The following NACC2 variants were observed in gnomAD, a reference collection of about 807,000 sequenced individuals.
The protein encoded by NACC2 is NACC family member 2, also known as nucleus accumbens-associated protein 2.
Under a neutral mutation model 25.1 loss-of-function variants are expected in NACC2, and 8 were observed. The ratio of observed to expected loss-of-function variants is 0.32; its 90% CI spans 0.19 to 0.57. The LOEUF (loss-of-function observed/expected upper bound fraction) is 0.57, where lower values mean the gene tolerates loss of function less well. Ranked by LOEUF, NACC2 falls within the 20% of genes least tolerant of loss-of-function variation. NACC2 has a pLI of 0.89. For synonymous variants in NACC2, 435 were observed against 294.7 expected, an observed-to-expected ratio of 1.48 and a Z score of -4.88; for missense variants, 644 against 650.2, an observed-to-expected ratio of 0.99 and a Z score of 0.10.
In NACC2 at chr9:136,018,697, G is replaced by A. The variant is rs1840240177; in HGVS notation, c.887-2268C>T. Among the ~76,000 whole-genome samples the A allele has an allele frequency of 6.6e-6, 1 of 152,086 alleles. No individual in the cohort carries two copies. The highest frequency in any genetic ancestry group is 1.5e-5 in the Non-Finnish European group (1 of 68,002). On this transcript the variant is annotated intron_variant, in intron 2 of 5. Transcript: ENST00000277554. This position sits in a 1 kb window ranked among gnomAD's most constrained non-coding sequence, Gnocchi z 4.4. ...CCTGCCCGGCCACTACAGGGGTCAG[G>A]CAGCATTTCCCGGTGGGGCAGAGCA...
At chr9:136,035,414 TAA>T (rs1430398524) in intron 2 of NACC2, among the ~76,000 whole-genome samples, 14 of 151,424 alleles carry the variant, frequency 9.2e-5, no homozygotes, top group Non-Finnish European at 2.1e-4. Flanking sequence ...CTGACAAACC[TAA>T]AGAGAGGGAC....
intron 1 of NACC2, among the ~76,000 whole-genome samples, chr9:136,052,688 G>C (rs916420410): frequency 1.3e-5 from 2 of 152,190 alleles, no homozygotes; most frequent in African/African-American, 4.8e-5. Flanking sequence ...TTGTGGCCGG[G>C]CAACCAGGAG....
At chr9:136,057,511 A>G (rs1840942146) in intron 1 of NACC2, among the ~76,000 whole-genome samples, 1 of 152,242 alleles carries the variant, frequency 6.6e-6, no homozygotes, top group Non-Finnish European at 1.5e-5. Context: ...AGGTTTCCAA[A>G]GAATTAAGCT....
At position 136,013,450 on chromosome 9, in the gene NACC2, C is replaced by T. The variant is rs1418122002; in HGVS notation, c.1158-154G>A. On this transcript the variant is annotated intron_variant, in intron 4 of 5. Coordinates refer to ENST00000277554, the MANE Select transcript of NACC2 (RefSeq NM_144653.5). The surrounding 1 kb of genome is among the most constrained non-coding windows in gnomAD (Gnocchi z 6.6). ...AGTGGCAGGAGCCGGCCCAGCCACC[C>T]TCTAAGGGACAGGACAAAGGAAAAG... 6.6e-6 allele frequency among the ~76,000 whole-genome samples: 1 copy of T among 152,206 alleles called. No individual in the cohort carries two copies. Among genetic ancestry groups the T allele is most frequent in the Non-Finnish European group, 1.5e-5 (1 of 68,026 alleles).
intron 2 of NACC2, among the ~76,000 whole-genome samples, chr9:136,043,266 A>C (rs1023404362): frequency 2.0e-5 from 3 of 152,274 alleles, no homozygotes; most frequent in Non-Finnish European, 4.4e-5. Context: ...AACTCTTAAA[A>C]TCTAATTTTT....
At position 136,011,359 on chromosome 9, in the gene NACC2, C is replaced by T; in HGVS notation, c.*157G>A. The T allele has an allele frequency of 1.2e-6, 1 of 866,912 alleles. No homozygotes were observed. Among genetic ancestry groups the T allele is most frequent in the Non-Finnish European group, 1.6e-6 (1 of 639,456 alleles). 53.7% of individuals were successfully genotyped at this position (866,912 alleles called of 1,614,324 possible). ...TACAGTATAATGAATGCATTTGTTT[C>T]CTTCATCAATTTTAAATACAAGCAG... On this transcript the variant is annotated 3_prime_UTR_variant, in exon 6 of 6. Transcript: ENST00000277554.
In NACC2 at chr9:136,057,262, C is replaced by G. The variant is rs139399777; in HGVS notation, c.-59-6682G>C. ...CCCCTGGCCACCAACACGCTCATCT[C>G]TAACCTTCACTTGCAGAATATTCTT... On this transcript the variant is annotated intron_variant, in intron 1 of 5. Transcript: ENST00000277554. Among the ~76,000 whole-genome samples the G allele has an allele frequency of 3.8e-3, 577 of 152,342 alleles. 3 individuals carry two copies. Among genetic ancestry groups the G allele is most frequent in the African/African-American group, 0.013 (543 of 41,582 alleles).
intron 2 of NACC2, among the ~76,000 whole-genome samples, chr9:136,044,528 C>G (rs1013297845): frequency 6.6e-6 from 1 of 152,092 alleles, no homozygotes; most frequent in East Asian, 1.9e-4. Context: ...CCTCTTGGGC[C>G]CCACCCTATC....
At chr9:136,089,562 C>G (rs73668073) in intron 1 of NACC2, among the ~76,000 whole-genome samples, 2,175 of 151,964 alleles carry the variant, frequency 0.014, 54 homozygotes, top group African/African-American at 0.049. Context: ...GGTGAACCCA[C>G]CCTCGGGGTG....
chr9:136,053,445 G>A (rs1840878149), intron 1 of NACC2, among the ~76,000 whole-genome samples: 1 of 152,100 alleles, frequency 6.6e-6, no homozygotes, highest in South Asian at 2.1e-4. Flanking sequence ...ACTCGGCCAT[G>A]CTGATGAGCT....
intron 1 of NACC2, among the ~76,000 whole-genome samples, chr9:136,078,355 G>A (rs886619059): frequency 1.3e-5 from 2 of 152,186 alleles, no homozygotes; most frequent in Non-Finnish European, 2.9e-5. Context: ...ACATCTGGGG[G>A]CAGGTTCTCC....
At chr9:136,040,739 G>C (rs1484235142) in intron 2 of NACC2, among the ~76,000 whole-genome samples, 1 of 152,130 alleles carries the variant, frequency 6.6e-6, no homozygotes, top group Non-Finnish European at 1.5e-5. Context: ...GCAGGTAGAT[G>C]GCTTGAGCCC....
rs747508877 is a variant in NACC2 at position 136,061,941 on chromosome 9, G to A, written c.-59-11361C>T. On this transcript the variant is annotated intron_variant, in intron 1 of 5. Coordinates refer to ENST00000277554, the MANE Select transcript of NACC2 (RefSeq NM_144653.5). ...TCGAGACTAGCCTGGCCACCATGGC[G>A]AAATCCCATCCCTACTAAAAATACA... Among the ~76,000 whole-genome samples the A allele has an allele frequency of 3.3e-5, 5 of 152,280 alleles. No homozygotes were observed. In the South Asian group the frequency reaches 6.2e-4, roughly 19 times the overall value.
chr9:136,021,754 C>T (rs553246870), intron 2 of NACC2, among the ~76,000 whole-genome samples: 20 of 152,310 alleles, frequency 1.3e-4, no homozygotes, highest in African/African-American at 2.6e-4. Context: ...ATCCACATGA[C>T]GTGTTACCGC....
intron 1 of NACC2, among the ~76,000 whole-genome samples, chr9:136,087,864 G>A (rs1024051999): frequency 3.9e-5 from 6 of 152,206 alleles, no homozygotes; most frequent in African/African-American, 1.4e-4. Context: ...GCTCGAGGGA[G>A]GGCAAGCCCT....
At chr9:136,091,369 T>A (rs1033974551) in intron 1 of NACC2, among the ~76,000 whole-genome samples, 3 of 152,114 alleles carry the variant, frequency 2.0e-5, no homozygotes, top group Admixed American at 6.5e-5. Context: ...CTGGGCGTTC[T>A]CCCAGGAGAC....
At chr9:136,048,831 C>G (rs937903079) in intron 2 of NACC2, among the ~76,000 whole-genome samples, 1 of 152,200 alleles carries the variant, frequency 6.6e-6, no homozygotes, top group Non-Finnish European at 1.5e-5. Flanking sequence ...CAGGGATATG[C>G]GTGGTGGGGT....
chr9:136,080,628 C>T (rs959147444), intron 1 of NACC2, among the ~76,000 whole-genome samples: 1 of 152,136 alleles, frequency 6.6e-6, no homozygotes, highest in Non-Finnish European at 1.5e-5. Context: ...CCATCCCCCA[C>T]CCCACAGACC....
chr9:136,050,594 G>T lies in NACC2; in HGVS notation c.-59-14C>A. ...AGCGGGGCTCATCTGTGGGGGGCAG[G>T]AGGCACGTGGTCAGTTCCTCCAGGT... is the stretch of plus-strand genomic sequence containing the variant. On this transcript the variant is annotated splice_polypyrimidine_tract_variant and intron_variant, in intron 1 of 5. Transcript: ENST00000277554. 1.4e-6 allele frequency: 1 copy of T among 709,012 alleles called. No homozygotes were observed. Among genetic ancestry groups the T allele is most frequent in the South Asian group, 1.5e-5 (1 of 68,026 alleles). The allele number at this position is 709,012 out of a possible 1,614,324, so 43.9% of individuals were successfully genotyped here.
Sources: gnomAD v4.1 joint callset for allele counts (sites outside exome capture counted in the v4.1 genomes callset) on GRCh38, gnomAD v4.1.1 for gene constraint, Gnocchi (gnomAD v3.1) non-coding constraint, MANE v1.5 for transcripts, NCBI Gene and HGNC (gene_info 2026-07-23, HGNC 2026-07-21) for gene names.